TPTE2: variants seen among roughly 807,000 people sequenced by gnomAD.
The protein encoded by TPTE2 is transmembrane phosphoinositide 3-phosphatase and tensin homolog 2.
Under a neutral mutation model 78.6 loss-of-function variants are expected in TPTE2, and 53 were observed. The ratio of observed to expected loss-of-function variants is 0.67; its 90% CI spans 0.54 to 0.85. The LOEUF (loss-of-function observed/expected upper bound fraction) is 0.85, where lower values mean the gene tolerates loss of function less well. Among genes scored for constraint, TPTE2 ranks in the 40% least tolerant of loss-of-function variants. The pLI, the probability that TPTE2 is intolerant of heterozygous loss-of-function variation, is 0.00. For missense variants in TPTE2, 461 were observed against 623.0 expected (o/e 0.74, Z 2.77); for synonymous variants, 175 against 206.2 (o/e 0.85, Z 1.30).
chr13:19,505,305 G>C (rs192634700), upstream of TPTE2, among the ~76,000 whole-genome samples: 285 of 152,062 alleles, frequency 1.9e-3, 1 homozygote, highest in Admixed American at 6.5e-3. Flanking sequence ...CACACCTGGC[G>C]AATTTTTGTA....
chr13:19,435,079 A>G (rs1876974760), intron 15 of TPTE2, among the ~76,000 whole-genome samples: 1 of 152,244 alleles, frequency 6.6e-6, no homozygotes, highest in South Asian at 2.1e-4. Context: ...TCTGCAATAA[A>G]CAAATTACAA....
chr13:19,558,296 C>T, the TPTE2 span, among the ~76,000 whole-genome samples: 48 of 152,308 alleles, frequency 3.2e-4, no homozygotes, highest in African/African-American at 1.1e-3. Context: ...CCAGAATGTA[C>T]ATCACTTCCC....
the TPTE2 span, among the ~76,000 whole-genome samples, chr13:19,552,895 T>C: frequency 7.4e-6 from 1 of 135,714 alleles, no homozygotes; most frequent in Non-Finnish European, 1.6e-5. Flanking sequence ...ATAACTACAA[T>C]AATGGCAAGC....
the TPTE2 span, among the ~76,000 whole-genome samples, chr13:19,542,098 A>G: frequency 1.8e-4 from 27 of 152,178 alleles, no homozygotes; most frequent in Non-Finnish European, 5.9e-5. Context: ...GAAATTGTTC[A>G]TAATAGCTTC....
the TPTE2 span, among the ~76,000 whole-genome samples, chr13:19,547,670 T>C: frequency 1.4e-5 from 2 of 144,722 alleles, no homozygotes; most frequent in Admixed American, 1.5e-4. Flanking sequence ...TCTATCTCTA[T>C]GTACTGACAA....
chr13:19,470,780 C>T (rs952632730), intron 6 of TPTE2, among the ~76,000 whole-genome samples: 2 of 152,046 alleles, frequency 1.3e-5, no homozygotes, highest in Admixed American at 1.3e-4. Flanking sequence ...CCCGCCTCTG[C>T]CTCCCAAAGT....
At chr13:19,427,086 T>C (rs1179480196) in intron 17 of TPTE2, among the ~76,000 whole-genome samples, 2 of 125,814 alleles carry the variant, frequency 1.6e-5, no homozygotes, top group Admixed American at 7.7e-5. Context: ...TTTCTTTTTT[T>C]TTTTTTTTTT....
intron 4 of TPTE2, among the ~76,000 whole-genome samples, chr13:19,477,767 T>C (rs1386794001): frequency 2.0e-5 from 3 of 152,176 alleles, no homozygotes; most frequent in African/African-American, 4.8e-5. Context: ...AAATACACAA[T>C]TGAGACTTTT....
chr13:19,525,151 A>G (rs1870417202), intron 1 of TPTE2, among the ~76,000 whole-genome samples: 1 of 152,204 alleles, frequency 6.6e-6, no homozygotes, highest in African/African-American at 2.4e-5. Context: ...CCAGGGTGGT[A>G]GTAAGAATTG....
chr13:19,470,673 C>T lies in TPTE2; in HGVS notation c.392+3241G>A, dbSNP rs143445663. On this transcript the variant is annotated intron_variant, in intron 6 of 19. Transcript: ENST00000400230. Reference sequence around the variant, plus strand: ...CATGAGTAGCTGAAATTACAGGCACCCAGCACCACACCCAGCTAATTTTTG... The same window carrying T: ...CATGAGTAGCTGAAATTACAGGCACTCAGCACCACACCCAGCTAATTTTTG... Among the ~76,000 whole-genome samples the T allele has an allele frequency of 5.1e-3, 758 of 149,724 alleles. 8 individuals carry two copies. Among genetic ancestry groups the T allele is most frequent in the African/African-American group, 0.018 (721 of 40,654 alleles).
intron 1 of TPTE2, among the ~76,000 whole-genome samples, chr13:19,499,107 A>C (rs1881585550): frequency 6.6e-6 from 1 of 152,176 alleles, no homozygotes. Context: ...AACTATCCTA[A>C]ATATATATGC....
At chr13:19,534,506 G>T (rs1356064127) in intron 1 of TPTE2, among the ~76,000 whole-genome samples, 2 of 152,092 alleles carry the variant, frequency 1.3e-5, no homozygotes, top group Non-Finnish European at 1.5e-5. Flanking sequence ...CCTTTCTTTT[G>T]CAGTTAACAG....
the TPTE2 span, among the ~76,000 whole-genome samples, chr13:19,550,873 C>T: frequency 2.6e-5 from 4 of 151,812 alleles, no homozygotes; most frequent in African/African-American, 9.7e-5. Flanking sequence ...TTGGCTGCAA[C>T]CTCTGCCTCC....
chr13:19,510,065 CA>C (rs1406120544), intron 1 of TPTE2, among the ~76,000 whole-genome samples: 3 of 152,062 alleles, frequency 2.0e-5, no homozygotes, highest in Admixed American at 6.6e-5. Flanking sequence ...AATAATAAGG[CA>C]AAAAGTTCTG....
chr13:19,527,381 C>T (rs1292164294), intron 1 of TPTE2, among the ~76,000 whole-genome samples: 1 of 152,168 alleles, frequency 6.6e-6, no homozygotes, highest in Admixed American at 6.5e-5. Flanking sequence ...CCTGATTGGT[C>T]ATTACACATT....
chr13:19,461,914 A>G (rs1878928566), intron 10 of TPTE2, among the ~76,000 whole-genome samples: 2 of 143,658 alleles, frequency 1.4e-5, no homozygotes, highest in African/African-American at 5.1e-5. Flanking sequence ...AGTTTCTTGT[A>G]GGCAGCATAC....
At chr13:19,453,450 T>C (rs1165449816) in intron 10 of TPTE2, among the ~76,000 whole-genome samples, 2 of 151,716 alleles carry the variant, frequency 1.3e-5, no homozygotes, top group Non-Finnish European at 1.5e-5. Context: ...CAAATATAAC[T>C]GGACAGTTAA....
At chr13:19,438,578 T>C (rs1460522847) in intron 13 of TPTE2, 3 of 259,898 alleles carry the variant, frequency 1.2e-5, no homozygotes, top group Non-Finnish European at 1.8e-5. Flanking sequence ...TAAATGTAGA[T>C]TTAAAAATAT....
chr13:19,462,387 G>GT (rs931178911), intron 10 of TPTE2, among the ~76,000 whole-genome samples: 112 of 148,356 alleles, frequency 7.5e-4, no homozygotes, highest in Middle Eastern at 3.5e-3. Flanking sequence ...TTGGTTGACA[G>GT]TTTTTTTTTT....
Sources: gnomAD v4.1 joint callset for allele counts (sites outside exome capture counted in the v4.1 genomes callset) on GRCh38, gnomAD v4.1.1 for gene constraint, MANE v1.5 for transcripts, NCBI Gene and HGNC (gene_info 2026-07-23, HGNC 2026-07-21) for gene names.